Variants in DOCK10 observed in about 807,000 individuals in gnomAD.
The protein encoded by DOCK10 is dedicator of cytokinesis 10.
In DOCK10, 145 loss-of-function variants were observed where a neutral mutation model predicts 280.1. That is an observed-to-expected ratio of 0.52 (90% confidence interval 0.45 to 0.59). The LOEUF is 0.59. Ranked by LOEUF, DOCK10 falls within the 20% of genes least tolerant of loss-of-function variation. DOCK10 has a pLI of 0.00. For synonymous variants in DOCK10, 915 were observed against 942.2 expected (o/e 0.97, Z 0.53); for missense variants, 2,368 against 2,651.7 (o/e 0.89, Z 2.35).
chr2:224,834,317 C>G (rs768314981), intron 25 of DOCK10, 54 bp from the exon 26 acceptor site: 1 of 1,030,398 alleles, frequency 9.7e-7, no homozygotes, highest in Non-Finnish European at 1.5e-6. Context: ...AATGAAGCTT[C>G]AAAAACTATG....
At chr2:224,833,558 C>A (rs57710587) in intron 26 of DOCK10, among the ~76,000 whole-genome samples, 44,903 of 151,326 alleles carry the variant, frequency 0.3, 7,914 homozygotes, top group African/African-American at 0.49. Context: ...AACTTCAAAT[C>A]TCCCCTGCAC....
intron 3 of DOCK10, among the ~76,000 whole-genome samples, chr2:224,916,315 T>G (rs1344667207): frequency 6.6e-6 from 1 of 152,140 alleles, no homozygotes; most frequent in African/African-American, 2.4e-5. Context: ...CTGAGGTGGG[T>G]GGATCACTTG....
intron 2 of DOCK10, among the ~76,000 whole-genome samples, chr2:224,927,396 A>G (rs910417517): frequency 3.9e-5 from 6 of 152,190 alleles, no homozygotes; most frequent in African/African-American, 1.4e-4. Flanking sequence ...AACAGCTTCC[A>G]TTGAGTACTG....
At chr2:224,815,953 A>C (rs1046763031) in intron 30 of DOCK10, among the ~76,000 whole-genome samples, 1 of 151,990 alleles carries the variant, frequency 6.6e-6, no homozygotes, top group African/African-American at 2.4e-5. Flanking sequence ...GAATCCCTCA[A>C]ACCTGGGAGG....
chr2:224,949,567 A>C (rs1053164439), intron 1 of DOCK10, among the ~76,000 whole-genome samples: 14 of 152,320 alleles, frequency 9.2e-5, no homozygotes, highest in African/African-American at 3.1e-4. Context: ...GTAGGCTTTG[A>C]ATAATAGGTG....
chr2:225,018,781 C>CACATATGTGTATATGTACATATATACACA, intron 1 of DOCK10, among the ~76,000 whole-genome samples: 2 of 138,212 alleles, frequency 1.4e-5, no homozygotes, highest in African/African-American at 6.0e-5. Context: ...ATATATACAC[C>CACATATGTGTATATGTACATATATACACA]TAAGATGTCA....
Position 225,032,483 on chromosome 2 carries a change from C to T in DOCK10, c.123+9769G>A, listed in dbSNP as rs148535074. Among the ~76,000 whole-genome samples, 247 of 152,240 alleles carry T rather than the reference C, an allele frequency of 1.6e-3. 1 individual carries two copies. The highest frequency in any genetic ancestry group is 5.6e-3 in the African/African-American group (232 of 41,538). ...TCATGTAGGACAAATTTATAGCCCA[C>T]CATAAAGATATGCTTCAAAGAAAAC... is the stretch of plus-strand genomic sequence containing the variant. On this transcript the variant is annotated intron_variant, in intron 1 of 55. Coordinates refer to ENST00000258390, the MANE Select transcript of DOCK10 (RefSeq NM_014689.3).
At chr2:224,999,289 G>A (rs1022772032) in intron 1 of DOCK10, among the ~76,000 whole-genome samples, 9 of 147,642 alleles carry the variant, frequency 6.1e-5, no homozygotes, top group African/African-American at 1.3e-4. Flanking sequence ...TGTTGCCCAC[G>A]CTGCATTCCT....
intron 3 of DOCK10, among the ~76,000 whole-genome samples, chr2:224,904,746 T>A (rs1332628641): frequency 6.6e-6 from 1 of 152,210 alleles, no homozygotes; most frequent in Admixed American, 6.5e-5. Context: ...AAAATTAGTA[T>A]GAAGCATACT....
rs970363005 is a variant in DOCK10, at chr2:224,787,432, G to A, written c.5419-35C>T. ...CCCCAATCAAAATAAGATTTTACAT[G>A]ATTAGGGTTGTGGCTCATGCCTGAA... is the stretch of plus-strand genomic sequence containing the variant. On this transcript the variant is annotated intron_variant, in intron 48 of 55. Transcript: ENST00000258390. The A allele has an allele frequency of 7.4e-6, 12 of 1,611,556 alleles. No homozygotes were observed. In the Admixed American group the frequency reaches 2.0e-4, roughly 27 times the overall value.
chr2:224,864,333 C>T (rs939299065), intron 13 of DOCK10, among the ~76,000 whole-genome samples: 1 of 152,064 alleles, frequency 6.6e-6, no homozygotes, highest in African/African-American at 2.4e-5. Context: ...CATGGTGAAA[C>T]CCCATCTCTA....
intron 39 of DOCK10, among the ~76,000 whole-genome samples, chr2:224,803,240 T>G (rs1693135418): frequency 6.6e-6 from 1 of 152,082 alleles, no homozygotes; most frequent in Non-Finnish European, 1.5e-5. Flanking sequence ...ACATGGAAAC[T>G]AATTCTTTAC....
intron 1 of DOCK10, among the ~76,000 whole-genome samples, chr2:224,985,149 C>G (rs556785926): frequency 6.6e-6 from 1 of 152,064 alleles, no homozygotes; most frequent in Non-Finnish European, 1.5e-5. Flanking sequence ...TAATAAATGA[C>G]CTTTGGAGAT....
At chr2:224,946,737 A>C in intron 1 of DOCK10, 1 of 741,586 alleles carries the variant, frequency 1.3e-6, no homozygotes, top group Non-Finnish European at 2.1e-6. Context: ...TGTTCCATAT[A>C]AGACTTCACC....
At chr2:224,765,969 T>C (rs1217620744) in intron 55 of DOCK10, 132 bp from the exon 56 acceptor site, 5 of 603,766 alleles carry the variant, frequency 8.3e-6, no homozygotes, top group Non-Finnish European at 1.1e-5. Flanking sequence ...AAAAGACACA[T>C]ATTAAAGTGG....
chr2:225,012,768 C>A (rs639729), intron 1 of DOCK10, among the ~76,000 whole-genome samples: 12 of 152,052 alleles, frequency 7.9e-5, no homozygotes, highest in African/African-American at 2.9e-4. Flanking sequence ...ACAAACTAAT[C>A]TTTACAAAAA....
In DOCK10 at chr2:224,791,285, G is replaced by T. The variant is rs558723644; in HGVS notation, c.5311+1689C>A. Among the ~76,000 whole-genome samples, 19 of 152,308 alleles carry T rather than the reference G, an allele frequency of 1.2e-4. No individual in the cohort carries two copies. The South Asian group carries it at 3.7e-3, about 30-fold the overall frequency. ...TGTTAAATAAGGCAATGATGTGTTT[G>T]ATGACATGCATATAAATATCAGGCT... On this transcript the variant is annotated intron_variant, in intron 47 of 55. Transcript: ENST00000258390.
intron 1 of DOCK10, among the ~76,000 whole-genome samples, chr2:225,029,327 A>C (rs1251880955): frequency 2.0e-5 from 3 of 152,150 alleles, no homozygotes; most frequent in African/African-American, 7.2e-5. Flanking sequence ...GTGTACCACC[A>C]CAGTTGGCTA....
chr2:224,932,743 C>T (rs1702466070), intron 1 of DOCK10, among the ~76,000 whole-genome samples: 1 of 152,186 alleles, frequency 6.6e-6, no homozygotes, highest in African/African-American at 2.4e-5. Context: ...ACACATGCCA[C>T]CCTTCCTCAT....
Sources: allele counts gnomAD v4.1 joint callset (sites outside exome capture counted in the v4.1 genomes callset), GRCh38; gene constraint gnomAD v4.1.1; transcripts MANE v1.5; gene names NCBI Gene and HGNC (gene_info 2026-07-23, HGNC 2026-07-21).